TBC1D22A: variants seen among roughly 807,000 people sequenced by gnomAD.
TBC1D22A encodes putative GTPase activator.
A neutral mutation model predicts 60.2 loss-of-function variants in TBC1D22A; 38 were observed. The observed-to-expected ratio is 0.63, with a 90% CI of 0.49 to 0.83. The LOEUF (loss-of-function observed/expected upper bound fraction) is 0.83, where lower values mean the gene tolerates loss of function less well. Ranked by LOEUF, TBC1D22A falls within the 40% of genes least tolerant of loss-of-function variation. The probability of loss-of-function intolerance (pLI) is 0.00; values close to 1 mark genes in which losing one functional copy is unlikely to be tolerated. For missense variants in TBC1D22A, 628 were observed against 701.0 expected (o/e 0.90, Z 1.18); for synonymous variants, 302 against 281.7 (o/e 1.07, Z -0.72).
chr22:46,877,108 TG>T (rs2147480557), intron 4 of TBC1D22A, among the ~76,000 whole-genome samples: 1 of 152,374 alleles, frequency 6.6e-6, no homozygotes, highest in East Asian at 1.9e-4. Context: ...AGGGACGTAG[TG>T]GACAGACCCT....
At chr22:47,071,320 C>T (rs958677290) in intron 11 of TBC1D22A, among the ~76,000 whole-genome samples, 25 of 152,202 alleles carry the variant, frequency 1.6e-4, no homozygotes, top group African/African-American at 5.8e-4. Flanking sequence ...CTGCTGTGGC[C>T]AAGGAAAAGA....
At chr22:46,778,535 C>T (rs1011338404) in intron 1 of TBC1D22A, among the ~76,000 whole-genome samples, 35 of 152,082 alleles carry the variant, frequency 2.3e-4, no homozygotes, top group South Asian at 6.2e-4. Flanking sequence ...GGGTCGGGAC[C>T]GTCAGTGCCA....
At chr22:47,115,398 G>A (rs972410570) in intron 12 of TBC1D22A, among the ~76,000 whole-genome samples, 9 of 92,220 alleles carry the variant, frequency 9.8e-5, no homozygotes, top group African/African-American at 1.7e-4. Flanking sequence ...GGGCCTCTCC[G>A]CTGAGCCCTG....
At chr22:47,139,691 C>T (rs189600647) in intron 12 of TBC1D22A, among the ~76,000 whole-genome samples, 253 of 152,340 alleles carry the variant, frequency 1.7e-3, no homozygotes, top group Middle Eastern at 0.01. Context: ...GGAGGAGGCG[C>T]GGTGTCCTGG....
intron 1 of TBC1D22A, among the ~76,000 whole-genome samples, chr22:46,782,096 C>G (rs1342276142): frequency 6.6e-6 from 1 of 152,242 alleles, no homozygotes; most frequent in Non-Finnish European, 1.5e-5. Context: ...ACTCTGTCGC[C>G]TAGGCTGGTG....
At chr22:46,849,480 T>C (rs577669760) in intron 4 of TBC1D22A, among the ~76,000 whole-genome samples, 229 of 152,204 alleles carry the variant, frequency 1.5e-3, no homozygotes, top group Non-Finnish European at 1.8e-3. Context: ...AGACACAGTC[T>C]CTGTCATCTT....
intron 8 of TBC1D22A, among the ~76,000 whole-genome samples, chr22:46,964,320 C>T (rs2073692043): frequency 6.6e-6 from 1 of 152,160 alleles, no homozygotes; most frequent in Non-Finnish European, 1.5e-5. Flanking sequence ...TTTTGAGTAC[C>T]TTCTGGGCAT....
chr22:46,800,315 G>T lies in TBC1D22A; in HGVS notation c.637+2695G>T, dbSNP rs150370532. Reference sequence around the variant, plus strand: ...GTGTGGGGGATGGGTCTGTGAGTTCGCCTAGAGCACCAGGTGTGGAGGTGT... The same window carrying T: ...GTGTGGGGGATGGGTCTGTGAGTTCTCCTAGAGCACCAGGTGTGGAGGTGT... On this transcript the variant is annotated intron_variant, in intron 4 of 12. Coordinates refer to ENST00000337137, the MANE Select transcript of TBC1D22A (RefSeq NM_014346.5). Among the ~76,000 whole-genome samples, 6 of 152,318 alleles carry T rather than the reference G, an allele frequency of 3.9e-5. No individual in the cohort carries two copies. The South Asian group carries it at 1.0e-3, about 26-fold the overall frequency.
intron 8 of TBC1D22A, among the ~76,000 whole-genome samples, chr22:46,962,100 TG>T (rs2073539237): frequency 6.6e-6 from 1 of 152,176 alleles, no homozygotes; most frequent in South Asian, 2.1e-4. Context: ...GTGTGCTGTC[TG>T]GGAGGAGATG....
intron 11 of TBC1D22A, among the ~76,000 whole-genome samples, chr22:47,108,673 T>C (rs1350108448): frequency 6.6e-6 from 1 of 152,222 alleles, no homozygotes; most frequent in Non-Finnish European, 1.5e-5. Context: ...AATTATAAAC[T>C]TGAAATATGT....
intron 4 of TBC1D22A, among the ~76,000 whole-genome samples, chr22:46,811,928 G>A (rs1225885221): frequency 6.6e-6 from 1 of 152,116 alleles, no homozygotes; most frequent in Non-Finnish European, 1.5e-5. Context: ...TCCTGCCTCT[G>A]CCACCCTCAG....
intron 12 of TBC1D22A, among the ~76,000 whole-genome samples, chr22:47,149,953 G>A (rs2067437968): frequency 6.6e-6 from 1 of 152,080 alleles, no homozygotes; most frequent in Non-Finnish European, 1.5e-5. Context: ...GAGAGGAGGG[G>A]CCTCCTCTCC....
At chr22:47,135,214 C>T (rs543448925) in intron 12 of TBC1D22A, among the ~76,000 whole-genome samples, 35 of 152,334 alleles carry the variant, frequency 2.3e-4, no homozygotes, top group East Asian at 5.8e-4. Context: ...CCTGGCAGGC[C>T]GGCGCAGGGC....
chr22:46,931,583 C>A (rs901995140), intron 8 of TBC1D22A, among the ~76,000 whole-genome samples: 3 of 152,222 alleles, frequency 2.0e-5, no homozygotes, highest in Non-Finnish European at 2.9e-5. Flanking sequence ...CGGCCACAGC[C>A]AGCAGAGGGT....
chr22:46,953,379 G>A (rs2073020652), intron 8 of TBC1D22A, among the ~76,000 whole-genome samples: 1 of 152,000 alleles, frequency 6.6e-6, no homozygotes, highest in Admixed American at 6.5e-5. Flanking sequence ...TTGGTGGATT[G>A]TATTAAAACC....
chr22:47,042,556 G>A (rs562388267), intron 11 of TBC1D22A, among the ~76,000 whole-genome samples: 1 of 152,356 alleles, frequency 6.6e-6, no homozygotes, highest in East Asian at 1.9e-4. Flanking sequence ...GCACCCTGTG[G>A]GTCTGGCAGT....
Position 46,923,242 on chromosome 22 carries a change from G to A in TBC1D22A, c.1015+11054G>A, listed in dbSNP as rs149750739. Among the ~76,000 whole-genome samples the A allele has an allele frequency of 8.3e-3, 1,263 of 152,336 alleles. 9 individuals are homozygous for A. Among genetic ancestry groups the A allele is most frequent in the Non-Finnish European group, 0.014 (964 of 68,018 alleles). On this transcript the variant is annotated intron_variant, in intron 8 of 12. Transcript: ENST00000337137. Reference sequence around the variant, plus strand: ...TTATTGAAGCCTATCTCCTCACTGTGCAGCCTCCCCTTTGATTAAGATCCT... The same window carrying A: ...TTATTGAAGCCTATCTCCTCACTGTACAGCCTCCCCTTTGATTAAGATCCT...
chr22:47,026,437 G>C (rs2062260688), intron 10 of TBC1D22A, among the ~76,000 whole-genome samples: 1 of 152,158 alleles, frequency 6.6e-6, no homozygotes, highest in Non-Finnish European at 1.5e-5. Context: ...AATGTAAGTG[G>C]CATCTAGACC....
intron 12 of TBC1D22A, among the ~76,000 whole-genome samples, chr22:47,121,221 G>A (rs929620814): frequency 4.6e-5 from 7 of 152,230 alleles, no homozygotes; most frequent in Admixed American, 2.0e-4. Context: ...CGCTTTTAGC[G>A]AGGGGCCTCC....
Sources: allele counts gnomAD v4.1 joint callset (sites outside exome capture counted in the v4.1 genomes callset), GRCh38; gene constraint gnomAD v4.1.1; transcripts MANE v1.5; gene names NCBI Gene and HGNC (gene_info 2026-07-23, HGNC 2026-07-21).